PHIP: variants seen among roughly 807,000 people sequenced by gnomAD.
The protein encoded by PHIP is PH-interacting protein.
PHIP carries 54 observed loss-of-function variants against 236.8 expected under a neutral mutation model. The observed-to-expected ratio is 0.23, with a 90% CI of 0.18 to 0.29. The LOEUF (loss-of-function observed/expected upper bound fraction) is 0.29, where lower values mean the gene tolerates loss of function less well. Ranked by LOEUF, PHIP falls within the 10% of genes least tolerant of loss-of-function variation. The pLI is 1.00. For missense variants in PHIP, 1,370 were observed against 2,190.8 expected, an observed-to-expected ratio of 0.63 and a Z score of 7.48; for synonymous variants, 756 against 718.9, an observed-to-expected ratio of 1.05 and a Z score of -0.83.
intron 6 of PHIP, among the ~76,000 whole-genome samples, chr6:79,058,444 C>T (rs1773185453): frequency 6.6e-6 from 1 of 151,990 alleles, no homozygotes. Context: ...ATATTTGGTT[C>T]CCTTTTACAA....
intron 6 of PHIP, among the ~76,000 whole-genome samples, chr6:79,043,701 T>C (rs952986770): frequency 9.2e-5 from 14 of 152,010 alleles, no homozygotes; most frequent in Admixed American, 3.9e-4. Context: ...AAATGTCCTC[T>C]TCCATCTAAA....
intron 15 of PHIP, among the ~76,000 whole-genome samples, chr6:79,006,633 A>G (rs1291688529): frequency 6.6e-6 from 1 of 152,084 alleles, no homozygotes; most frequent in Non-Finnish European, 1.5e-5. Flanking sequence ...GTATCAAGAA[A>G]ATGTGTCAAC....
At chr6:79,033,905 T>G (rs1456878340) in intron 7 of PHIP, among the ~76,000 whole-genome samples, 1 of 152,168 alleles carries the variant, frequency 6.6e-6, no homozygotes, top group Non-Finnish European at 1.5e-5. Context: ...TGTAGGGTTA[T>G]TAATTGGATT....
At position 79,078,090 on chromosome 6, in the gene PHIP, C is replaced by T. The variant is rs376453059; in HGVS notation, c.-22G>A. ...ACATGTTTATGGGTCACTTCAGGGC[C>T]GCCGACGGGACACCCCGCCGCCGAG... On this transcript the variant is annotated 5_prime_UTR_variant, in exon 1 of 40. Transcript: ENST00000275034. 1.0e-5 allele frequency: 16 copies of T among 1,606,022 alleles called. No homozygotes were observed. The highest frequency in any genetic ancestry group is 8.5e-7 in the Non-Finnish European group (1 of 1,177,972).
chr6:78,976,012 T>C (rs1768030966), intron 24 of PHIP, among the ~76,000 whole-genome samples: 1 of 151,846 alleles, frequency 6.6e-6, no homozygotes, highest in African/African-American at 2.4e-5. Flanking sequence ...TTCACAGAAT[T>C]GGAAAAAACT....
intron 7 of PHIP, among the ~76,000 whole-genome samples, chr6:79,035,663 T>C (rs1195725322): frequency 1.3e-5 from 2 of 152,198 alleles, no homozygotes; most frequent in Non-Finnish European, 2.9e-5. Context: ...CATCTCTTAT[T>C]GCCATTAGAA....
At chr6:78,985,767 A>G (rs929088526) in intron 21 of PHIP, among the ~76,000 whole-genome samples, 24 of 152,126 alleles carry the variant, frequency 1.6e-4, no homozygotes, top group African/African-American at 5.3e-4. Context: ...GCTTGAACCC[A>G]GGAGGCGGAG....
In PHIP at chr6:78,946,833, T is replaced by C. The variant is rs1562115118; in HGVS notation, c.4248A>G (p.Glu1416=). ...MSLRLSAFFE[E]HISSVLSDYK... ...AATCTGATAAAACTGAACTAATGTG[T>C]TCTTCAAAGAAAGCAGACAGGCGCA... Residue 1416 remains glutamate (E), a synonymous_variant, in exon 37 of 40, where the codon GAA becomes GAG. Transcript: ENST00000275034. 1.3e-6 allele frequency: 2 copies of C among 1,584,908 alleles called. No homozygotes were observed. The highest frequency in any genetic ancestry group is 2.3e-5 in the South Asian group (2 of 85,782).
At chr6:78,978,560 G>A in intron 24 of PHIP, 32 bp downstream of exon 24, 1 of 1,537,304 alleles carries the variant, frequency 6.5e-7, no homozygotes, top group Non-Finnish European at 8.8e-7. Context: ...ACTATGTGAG[G>A]AAAAATGGAT....
At chr6:79,050,139 CTTATCTGCTGCAATTA>C (rs1482264626) in intron 6 of PHIP, among the ~76,000 whole-genome samples, 1 of 151,822 alleles carries the variant, frequency 6.6e-6, no homozygotes, top group African/African-American at 2.4e-5. Context: ...AAAAAAAAGT[CTTATCTGCTGCAATTA>C]ATAATGTGGG....
Position 78,936,223 on chromosome 6 carries a change from A to T in PHIP, c.*4470T>A, listed in dbSNP as rs1335000499. The T allele has an allele frequency of 1.7e-4, 26 of 152,000 alleles. No homozygotes were observed. Among genetic ancestry groups the T allele is most frequent in the Admixed American group, 1.7e-3 (26 of 15,260 alleles). 9.4% of individuals were successfully genotyped at this position (152,000 alleles called of 1,614,324 possible). A position where few individuals can be genotyped will look rare whatever the true frequency, so the allele number is the denominator to read the frequency against. ...GTTTAAACATTGTTTTCTGTACAAAATAAGCATAATCTTAATTTGAAAATG... is the reference window on the plus strand; with the variant it reads ...GTTTAAACATTGTTTTCTGTACAAATTAAGCATAATCTTAATTTGAAAATG... On this transcript the variant is annotated 3_prime_UTR_variant, in exon 40 of 40. Coordinates refer to ENST00000275034, the MANE Select transcript of PHIP (RefSeq NM_017934.7).
In PHIP at chr6:79,027,706, T is replaced by G. The variant is rs189896665; in HGVS notation, c.601-1542A>C. On this transcript the variant is annotated intron_variant, in intron 7 of 39. Coordinates refer to ENST00000275034, the MANE Select transcript of PHIP (RefSeq NM_017934.7). The stretch of plus-strand genomic sequence containing the variant: ...TTAACCACTGTTAATCAGCAGAGAT[T>G]CAAACAAGGAAACAGTCTACTTTTT... Among the ~76,000 whole-genome samples, 31 of 152,266 alleles carry G rather than the reference T, an allele frequency of 2.0e-4. No homozygotes were observed. In the East Asian group the frequency reaches 5.0e-3, roughly 25 times the overall value.
At chr6:78,973,354 C>T (rs1180690291) in intron 24 of PHIP, among the ~76,000 whole-genome samples, 1 of 150,466 alleles carries the variant, frequency 6.6e-6, no homozygotes, top group South Asian at 2.1e-4. Context: ...ACCAGGCCTG[C>T]CCTACAAGAG....
At position 78,972,692 on chromosome 6, in the gene PHIP, T is replaced by C. The variant is rs540549966; in HGVS notation, c.2890-1804A>G. Among the ~76,000 whole-genome samples, 145 of 152,232 alleles carry C rather than the reference T, an allele frequency of 9.5e-4. 1 individual carries two copies. The highest frequency in any genetic ancestry group is 7.7e-3 in the South Asian group (37 of 4,814). On this transcript the variant is annotated intron_variant, in intron 24 of 39. Coordinates refer to ENST00000275034, the MANE Select transcript of PHIP (RefSeq NM_017934.7). ...ACAGAGAAGTGCTTAAAGGAGCTGATAGAGCTGAAAACCAAGGCTCGAGAA... is the reference window on the plus strand; with the variant it reads ...ACAGAGAAGTGCTTAAAGGAGCTGACAGAGCTGAAAACCAAGGCTCGAGAA...
At chr6:78,998,451 C>T (rs1341402343) in intron 17 of PHIP, 60 bp from the exon 18 acceptor site, 2 of 1,370,970 alleles carry the variant, frequency 1.5e-6, no homozygotes, top group South Asian at 2.5e-5. Flanking sequence ...CCATTTTACT[C>T]ACCAACCTCA....
rs758436680 is a variant in PHIP, at chr6:78,988,195, T to C, written c.2460+14A>G. On this transcript the variant is annotated intron_variant, in intron 21 of 39. Transcript: ENST00000275034. ...AAAAATGACATCTAATTTATGAATG[T>C]GCTGATATCTTACATCTGAAGAACT... 2.6e-6 allele frequency: 4 copies of C among 1,527,848 alleles called. No homozygotes were observed. The highest frequency in any genetic ancestry group is 3.5e-6 in the Non-Finnish European group (4 of 1,135,600). The allele number at this position is 1,527,848 out of a possible 1,614,324, so 94.6% of individuals were successfully genotyped here.
intron 6 of PHIP, among the ~76,000 whole-genome samples, chr6:79,044,964 AAAG>A (rs1280368069): frequency 6.6e-6 from 1 of 152,194 alleles, no homozygotes; most frequent in African/African-American, 2.4e-5. Context: ...AATTGAAAAA[AAAG>A]AATAACCTTT....
chr6:78,946,396 T>A, intron 37 of PHIP, 136 bp from the exon 38 acceptor site: 1 of 1,394,586 alleles, frequency 7.2e-7, no homozygotes, highest in Non-Finnish European at 9.4e-7. Context: ...GGATTTCATA[T>A]GATTGTGAGC....
At chr6:78,989,566 C>T (rs1228420106) in intron 20 of PHIP, among the ~76,000 whole-genome samples, 1 of 152,052 alleles carries the variant, frequency 6.6e-6, no homozygotes, top group Non-Finnish European at 1.5e-5. Flanking sequence ...GCCAGCTGAC[C>T]ACATAAATAA....
Sources: allele counts gnomAD v4.1 joint callset (sites outside exome capture counted in the v4.1 genomes callset), GRCh38; gene constraint gnomAD v4.1.1; transcripts MANE v1.5; gene names NCBI Gene and HGNC (gene_info 2026-07-23, HGNC 2026-07-21).